ANKRD30A: variants seen among roughly 807,000 people sequenced by gnomAD.
ANKRD30A encodes ankyrin repeat domain-containing protein 30A.
Under a neutral mutation model 166.3 loss-of-function variants are expected in ANKRD30A, and 170 were observed. The observed-to-expected ratio is 1.02, with a 90% confidence interval of 0.90 to 1.16. The LOEUF (loss-of-function observed/expected upper bound fraction) is 1.16. Among genes scored for constraint, ANKRD30A ranks in the 50% most tolerant of loss-of-function variants. The pLI is 0.00. For missense variants in ANKRD30A, 1,630 were observed against 1,518.0 expected (o/e 1.07, Z -1.23); for synonymous variants, 564 against 508.9 (o/e 1.11, Z -1.46).
At chr10:37,165,323 G>C (rs1175005921) in intron 18 of ANKRD30A, among the ~76,000 whole-genome samples, 168 bp downstream of exon 18, 1 of 152,208 alleles carries the variant, frequency 6.6e-6, no homozygotes, top group African/African-American at 2.4e-5. Flanking sequence ...GTAGATTCCT[G>C]CTTCACAGTG....
the ANKRD30A span, among the ~76,000 whole-genome samples, chr10:37,249,322 G>A: frequency 6.6e-6 from 1 of 152,064 alleles, no homozygotes; most frequent in African/African-American, 2.4e-5. Context: ...TCTATTAATG[G>A]CAAAATATGA....
At chr10:37,236,057 C>G (rs745693948), downstream of ANKRD30A, among the ~76,000 whole-genome samples, 27 of 152,066 alleles carry the variant, frequency 1.8e-4, no homozygotes, top group Admixed American at 1.2e-3. Context: ...CGTGAGCCAC[C>G]GCGCCGGGCC....
At chr10:37,234,584 TG>T (rs1564607111), downstream of ANKRD30A, among the ~76,000 whole-genome samples, 1 of 152,160 alleles carries the variant, frequency 6.6e-6, no homozygotes, top group Non-Finnish European at 1.5e-5. Context: ...TTGTTTGTAA[TG>T]CTCCCTCCAA....
At chr10:37,152,638 T>C (rs535847911) in intron 12 of ANKRD30A, among the ~76,000 whole-genome samples, 2 of 152,236 alleles carry the variant, frequency 1.3e-5, no homozygotes, top group East Asian at 3.9e-4. Context: ...GCATGAGGAA[T>C]AGGAAACCTT....
chr10:37,254,796 G>A, the ANKRD30A span, among the ~76,000 whole-genome samples: 1 of 149,318 alleles, frequency 6.7e-6, no homozygotes, highest in Non-Finnish European at 1.5e-5. Flanking sequence ...CCATTCTCCT[G>A]CCTCAGCTTC....
Position 37,141,953 on chromosome 10 carries a change from G to A in ANKRD30A, c.1056G>A (p.Gln352=). The part of the protein sequence containing the change: ...LEKATSGKFE[Q]SAEETPREIT... ...AAGCGACATCTGGAAAGTTCGAACA[G>A]TCAGCAGAAGAAACACCTAGGGAAA... The change falls in exon 7 of 36, where the codon CAG becomes CAA. Residue 352 remains glutamine (Q), a synonymous_variant. Transcript: ENST00000361713. The A allele has an allele frequency of 6.2e-7, 1 of 1,614,210 alleles. No homozygotes were observed. Among genetic ancestry groups the A allele is most frequent in the Non-Finnish European group, 8.5e-7 (1 of 1,180,038 alleles).
chr10:37,256,386 G>A, the ANKRD30A span, among the ~76,000 whole-genome samples: 1 of 152,106 alleles, frequency 6.6e-6, no homozygotes, highest in Admixed American at 6.6e-5. Flanking sequence ...CCTCTCAAGT[G>A]GCTGGGACCA....
chr10:37,261,335 G>A, the ANKRD30A span, among the ~76,000 whole-genome samples: 13 of 152,300 alleles, frequency 8.5e-5, no homozygotes, highest in African/African-American at 3.1e-4. Flanking sequence ...CCAACTGATA[G>A]ATTCCAGAAA....
intron 31 of ANKRD30A, among the ~76,000 whole-genome samples, chr10:37,212,508 G>A (rs2132723473): frequency 6.6e-6 from 1 of 152,030 alleles, no homozygotes; most frequent in Non-Finnish European, 1.5e-5. Context: ...TCACAGAATT[G>A]GAAAAACTAC....
chr10:37,226,143 C>A (rs1588959862), intron 34 of ANKRD30A, among the ~76,000 whole-genome samples: 1 of 151,258 alleles, frequency 6.6e-6, no homozygotes, highest in East Asian at 2.0e-4. Context: ...TTCTAGGGTA[C>A]ATGTGCACAA....
At chr10:37,220,987 CAGA>C (rs1338405311) in intron 34 of ANKRD30A, among the ~76,000 whole-genome samples, 1 of 150,364 alleles carries the variant, frequency 6.7e-6, no homozygotes, top group Non-Finnish European at 1.5e-5. Flanking sequence ...GCTTCTAATA[CAGA>C]AGAAGGAGAA....
At chr10:37,165,208 A>G in intron 18 of ANKRD30A, 53 bp downstream of exon 18, 2 of 1,482,026 alleles carry the variant, frequency 1.3e-6, no homozygotes, top group Non-Finnish European at 1.9e-6. Flanking sequence ...ATATGAAAAC[A>G]TAAAATCAGA....
At chr10:37,195,698 T>C (rs1195895338) in intron 27 of ANKRD30A, among the ~76,000 whole-genome samples, 3 of 152,124 alleles carry the variant, frequency 2.0e-5, no homozygotes, top group African/African-American at 7.2e-5. Flanking sequence ...ATCGAGACCA[T>C]CCTGACTAAC....
At chr10:37,159,626 T>TA (rs1838682412) in intron 15 of ANKRD30A, among the ~76,000 whole-genome samples, 1 of 152,194 alleles carries the variant, frequency 6.6e-6, no homozygotes, top group Non-Finnish European at 1.5e-5. Flanking sequence ...TTTCATGTCT[T>TA]ATAGGCTATA....
chr10:37,190,240 T>C (rs71489111), intron 25 of ANKRD30A, among the ~76,000 whole-genome samples: 1,855 of 151,910 alleles, frequency 0.012, 20 homozygotes, highest in Middle Eastern at 0.02. Context: ...TTCAGCCGAC[T>C]TGGGATTCTG....
chr10:37,160,708 C>T (rs1564508004), intron 15 of ANKRD30A, among the ~76,000 whole-genome samples: 2 of 152,060 alleles, frequency 1.3e-5, no homozygotes, highest in African/African-American at 4.8e-5. Context: ...ACTGTGCTCT[C>T]TTTTTCCCTA....
At chr10:37,199,887 A>G (rs1215598316) in intron 30 of ANKRD30A, 99 bp downstream of exon 30, 3 of 638,136 alleles carry the variant, frequency 4.7e-6, no homozygotes, top group Non-Finnish European at 8.1e-6. Context: ...TGCATATGTC[A>G]CCCGCAAATT....
rs1395635101 is a variant in ANKRD30A, at chr10:37,142,189, T to C, written c.1292T>C (p.Val431Ala). The change falls in exon 7 of 36, where the codon GTG (valine) becomes GCG (alanine). Residue 431 changes from valine (V) to alanine (A), a missense_variant. Coordinates refer to ENST00000361713, the MANE Select transcript of ANKRD30A (RefSeq NM_052997.3). ...GAAACACCTGTAAAGACTGGATGCG[T>C]GGCAAGAGTAACATCTAATAAAACT... ...KKETPVKTGC[V>A]ARVTSNKTKV... 2 of 1,613,920 alleles carry C rather than the reference T, an allele frequency of 1.2e-6. No individual in the cohort carries two copies. Among genetic ancestry groups the C allele is most frequent in the Non-Finnish European group, 1.7e-6 (2 of 1,180,000 alleles).
intron 29 of ANKRD30A, among the ~76,000 whole-genome samples, chr10:37,198,969 G>C (rs1345554636): frequency 6.6e-6 from 1 of 152,020 alleles, no homozygotes; most frequent in East Asian, 1.9e-4. Flanking sequence ...CAAGTCTTGA[G>C]TGGGCCTTGA....
Sources: gnomAD v4.1 joint callset for allele counts (sites outside exome capture counted in the v4.1 genomes callset) on GRCh38, gnomAD v4.1.1 for gene constraint, MANE v1.5 for transcripts, NCBI Gene and HGNC (gene_info 2026-07-23, HGNC 2026-07-21) for gene names.